Variants in RARB observed in about 807,000 individuals in gnomAD.
RARB encodes the protein retinoic acid receptor beta, also known as HBV-activated protein.
In RARB, 17 loss-of-function variants were observed where a neutral mutation model predicts 51.9. That is an observed-to-expected ratio of 0.33 (90% CI 0.22 to 0.49). RARB has a LOEUF of 0.49. RARB is among the 20% of genes least tolerant of loss of function. The pLI is 0.99. For missense variants in RARB, 369 were observed against 550.8 expected, an observed-to-expected ratio of 0.67 and a Z score of 3.30; for synonymous variants, 215 against 195.4, an observed-to-expected ratio of 1.10 and a Z score of -0.84.
chr3:25,448,329 A>C (rs1161067879), intron 1 of RARB, among the ~76,000 whole-genome samples: 3 of 152,214 alleles, frequency 2.0e-5, no homozygotes. Flanking sequence ...ACATTTTTAA[A>C]AAAGAAATAA....
chr3:25,003,325 C>T (rs1009738582), intron 2 of RARB, among the ~76,000 whole-genome samples: 1 of 152,082 alleles, frequency 6.6e-6, no homozygotes, highest in Non-Finnish European at 1.5e-5. Context: ...GCAGGGAGAG[C>T]TCAGCATGTC....
At chr3:24,878,610 T>C (rs1244326500) in intron 2 of RARB, among the ~76,000 whole-genome samples, 3 of 152,110 alleles carry the variant, frequency 2.0e-5, no homozygotes, top group African/African-American at 4.8e-5. Context: ...CATTGTAGGA[T>C]TTTTAGCAGC....
At chr3:25,109,090 A>G (rs1389057500) in intron 3 of RARB, among the ~76,000 whole-genome samples, 4 of 152,232 alleles carry the variant, frequency 2.6e-5, no homozygotes, top group Non-Finnish European at 1.5e-5. Flanking sequence ...GCAGATAACA[A>G]TAGCTCTGAA....
At chr3:25,249,681 A>ATTTTTTTT (rs775744919) in intron 5 of RARB, among the ~76,000 whole-genome samples, 1 of 95,286 alleles carries the variant, frequency 1.0e-5, no homozygotes, top group Non-Finnish European at 2.1e-5. Context: ...TCTCTGTATG[A>ATTTTTTTT]TTTTTTTTTT....
At chr3:25,338,728 T>C (rs1309974012) in intron 5 of RARB, among the ~76,000 whole-genome samples, 1 of 152,208 alleles carries the variant, frequency 6.6e-6, no homozygotes, top group Admixed American at 6.5e-5. Context: ...ATCTATTTAA[T>C]TTTATACAGG....
intron 5 of RARB, among the ~76,000 whole-genome samples, chr3:25,396,395 G>A (rs886464086): frequency 6.6e-6 from 1 of 152,234 alleles, no homozygotes; most frequent in South Asian, 2.1e-4. Flanking sequence ...GGATGTTACA[G>A]GCAGTGGAAT....
upstream of RARB, among the ~76,000 whole-genome samples, chr3:25,427,314 T>C (rs1575392642): frequency 6.6e-6 from 1 of 152,186 alleles, no homozygotes; most frequent in Non-Finnish European, 1.5e-5. Flanking sequence ...CCCAGCACCA[T>C]ACAAGTGTTA....
At chr3:25,039,917 G>T (rs115907915) in intron 2 of RARB, among the ~76,000 whole-genome samples, 1 of 152,208 alleles carries the variant, frequency 6.6e-6, no homozygotes, top group East Asian at 1.9e-4. Context: ...AAATTGTCTT[G>T]TGGGTTGGGA....
chr3:25,257,931 C>A (rs1371296376), intron 5 of RARB, among the ~76,000 whole-genome samples: 2 of 152,188 alleles, frequency 1.3e-5, no homozygotes, highest in South Asian at 4.1e-4. Context: ...TAGTTGAGCC[C>A]CTTCATCATT....
intron 2 of RARB, among the ~76,000 whole-genome samples, chr3:25,059,374 A>G (rs1698502736): frequency 6.6e-6 from 1 of 151,768 alleles, no homozygotes; most frequent in Non-Finnish European, 1.5e-5. Flanking sequence ...GATGAAAAAT[A>G]TCCCCCAGAA....
intron 1 of RARB, among the ~76,000 whole-genome samples, chr3:25,460,592 C>T (rs566122138): frequency 4.0e-4 from 61 of 151,976 alleles, no homozygotes; most frequent in Non-Finnish European, 7.5e-4. Flanking sequence ...GGATTACAGG[C>T]GCACACCACC....
At chr3:24,834,652 C>A (rs190627809) in intron 1 of RARB, among the ~76,000 whole-genome samples, 29 of 152,256 alleles carry the variant, frequency 1.9e-4, no homozygotes, top group Non-Finnish European at 3.5e-4. Context: ...TCAATGTAAT[C>A]ATGTAAACAA....
intron 5 of RARB, among the ~76,000 whole-genome samples, chr3:25,323,879 CCTT>C (rs1382456859): frequency 5.3e-5 from 8 of 152,108 alleles, no homozygotes; most frequent in Admixed American, 1.3e-4. Flanking sequence ...AGTTTATCTC[CCTT>C]CTTAAACACC....
chr3:24,975,431 A>G (rs754322416), intron 2 of RARB, among the ~76,000 whole-genome samples: 1 of 152,124 alleles, frequency 6.6e-6, no homozygotes, highest in Non-Finnish European at 1.5e-5. Flanking sequence ...CCTGCCTTCA[A>G]AGAGCTTACA....
chr3:24,943,336 A>G (rs1695708913), intron 2 of RARB, among the ~76,000 whole-genome samples: 1 of 152,060 alleles, frequency 6.6e-6, no homozygotes, highest in African/African-American at 2.4e-5. Context: ...TTGGGGGTAA[A>G]TTTCCATTGC....
At chr3:25,591,090 T>C (rs1701592891) in intron 5 of RARB, among the ~76,000 whole-genome samples, 1 of 152,216 alleles carries the variant, frequency 6.6e-6, no homozygotes, top group Non-Finnish European at 1.5e-5. Flanking sequence ...ATGGCTGGGC[T>C]AGCTCAGAAA....
chr3:25,387,356 G>A (rs565388188), intron 5 of RARB, among the ~76,000 whole-genome samples: 2 of 152,162 alleles, frequency 1.3e-5, no homozygotes, highest in South Asian at 2.1e-4. Context: ...AGGAACAAAG[G>A]TGAATTTTAC....
chr3:25,501,082 T>C, intron 2 of RARB, 100 bp from the exon 3 acceptor site: 1 of 1,370,976 alleles, frequency 7.3e-7, no homozygotes, highest in Non-Finnish European at 9.7e-7. Flanking sequence ...ATCACTTCGT[T>C]ACTCAAAAAG....
chr3:25,124,997 T>C (rs1434233035), intron 3 of RARB, among the ~76,000 whole-genome samples: 6 of 152,236 alleles, frequency 3.9e-5, no homozygotes, highest in African/African-American at 1.2e-4. Flanking sequence ...CTTAACTGTT[T>C]AGCAACTGAT....
Sources: allele counts gnomAD v4.1 joint callset (sites outside exome capture counted in the v4.1 genomes callset), GRCh38; gene constraint gnomAD v4.1.1; transcripts MANE v1.5; gene names NCBI Gene and HGNC (gene_info 2026-07-23, HGNC 2026-07-21).